CRNKL1: variants seen among roughly 807,000 people sequenced by gnomAD.
CRNKL1 encodes the protein crooked neck-like protein 1.
CRNKL1 carries 35 observed loss-of-function variants against 103.7 expected under a neutral mutation model. The observed-to-expected ratio is 0.34, with a 90% CI of 0.26 to 0.45. The LOEUF (loss-of-function observed/expected upper bound fraction) is 0.45, where lower values mean the gene tolerates loss of function less well. Ranked by LOEUF, CRNKL1 falls within the 20% of genes least tolerant of loss-of-function variation. CRNKL1 has a pLI of 1.00. For synonymous variants in CRNKL1, 267 were observed against 282.6 expected, an observed-to-expected ratio of 0.94 and a Z score of 0.55; for missense variants, 645 against 836.0, an observed-to-expected ratio of 0.77 and a Z score of 2.82.
At chr20:20,048,206 A>T in intron 4 of CRNKL1, 137 bp downstream of exon 4, 1 of 1,028,874 alleles carries the variant, frequency 9.7e-7, no homozygotes, top group Non-Finnish European at 1.4e-6. Flanking sequence ...TTAATAGACT[A>T]TGGGACATAA....
chr20:20,049,488 C>T (rs2043649708), intron 2 of CRNKL1, 57 bp from the exon 3 acceptor site: 1 of 877,620 alleles, frequency 1.1e-6, no homozygotes, highest in Non-Finnish European at 1.9e-6. Flanking sequence ...ATGACAGCAC[C>T]CTTGGTCTAT....
At chr20:20,048,124 A>C (rs2043624153) in intron 4 of CRNKL1, among the ~76,000 whole-genome samples, 193 bp from the exon 5 acceptor site, 1 of 152,266 alleles carries the variant, frequency 6.6e-6, no homozygotes, top group African/African-American at 2.4e-5. Flanking sequence ...TTCAACAAGA[A>C]GCTTATGAAT....
chr20:20,054,906 GTAAT>G (rs2044182971), upstream of CRNKL1, among the ~76,000 whole-genome samples: 2 of 152,298 alleles, frequency 1.3e-5, no homozygotes, highest in Admixed American at 1.3e-4. Context: ...CATGCTAAAA[GTAAT>G]TAGCCATTAT....
chr20:20,036,503 C>G (rs1458073561), intron 13 of CRNKL1, 141 bp from the exon 14 acceptor site: 1 of 778,104 alleles, frequency 1.3e-6, no homozygotes, highest in Admixed American at 2.6e-5. Context: ...AGAACAAGGG[C>G]TGGGTCTGAA....
In CRNKL1 at chr20:20,035,691, T is replaced by C. The variant is rs1390986800; in HGVS notation, c.*504A>G. ...AACAAACAATTTACTGAGCACTTAC[T>C]ATGCACCCACCAGGTATATTCCTTT... On this transcript the variant is annotated 3_prime_UTR_variant, in exon 14 of 14. Coordinates refer to ENST00000536226, the MANE Select transcript of CRNKL1 (RefSeq NM_001278628.2). The C allele has an allele frequency of 1.3e-5, 2 of 153,380 alleles. No individual in the cohort carries two copies. Among genetic ancestry groups the C allele is most frequent in the African/African-American group, 4.8e-5 (2 of 41,468 alleles). 9.5% of individuals were successfully genotyped at this position (153,380 alleles called of 1,614,324 possible).
intron 5 of CRNKL1, among the ~76,000 whole-genome samples, chr20:20,046,667 G>A (rs991656753): frequency 6.6e-6 from 1 of 152,168 alleles, no homozygotes; most frequent in Non-Finnish European, 1.5e-5. Context: ...AATGTTAAGT[G>A]ACTGGACTGA....
At chr20:20,051,594 G>A (rs533695220) in intron 1 of CRNKL1, among the ~76,000 whole-genome samples, 10 of 152,328 alleles carry the variant, frequency 6.6e-5, no homozygotes, top group African/African-American at 2.2e-4. Flanking sequence ...ACTCCTGCGA[G>A]TCAGACAAAT....
At chr20:20,052,053 C>A (rs1287430022) in intron 1 of CRNKL1, among the ~76,000 whole-genome samples, 1 of 152,154 alleles carries the variant, frequency 6.6e-6, no homozygotes, top group Non-Finnish European at 1.5e-5. Flanking sequence ...AGTAAATCTT[C>A]ACCGAACCAC....
At position 20,037,479 on chromosome 20, in the gene CRNKL1, G is replaced by C; in HGVS notation, c.1740C>G (p.Thr580=). 6.2e-7 allele frequency: 1 copy of C among 1,614,098 alleles called. No individual in the cohort carries two copies. The highest frequency in any genetic ancestry group is 1.6e-4 in the Middle Eastern group (1 of 6,062). The change falls in exon 13 of 14, where the codon ACC becomes ACG. Residue 580 remains threonine (T), a synonymous_variant. Coordinates refer to ENST00000536226, the MANE Select transcript of CRNKL1 (RefSeq NM_001278628.2). ...CTTCCTTTTCTTCACAGTTTCGCAT[G>C]GTTTTGTTAGCTTCTTCATAAATTT... ...CRQIYEEANK[T]MRNCEEKEER...
intron 4 of CRNKL1, 106 bp downstream of exon 4, chr20:20,048,237 A>G (rs2043626021): frequency 3.1e-6 from 4 of 1,285,376 alleles, no homozygotes; most frequent in African/African-American, 3.0e-5. Flanking sequence ...GTCTGAAGAA[A>G]AAGTAGGATA....
At position 20,041,548 on chromosome 20, in the gene CRNKL1, A is replaced by AGGT. The variant is rs2043514761; in HGVS notation, c.1224+17_1224+18insACC. ...GATTCTGACCTGTTTGAAATGGAAC[A>AGGT]CTTTAGAGCAAACATACCTTTTTGT... On this transcript the variant is annotated intron_variant, in intron 9 of 13. Transcript: ENST00000536226. 6.3e-7 allele frequency: 1 copy of AGGT among 1,595,474 alleles called. No individual in the cohort carries two copies. The highest frequency in any genetic ancestry group is 8.6e-7 in the Non-Finnish European group (1 of 1,163,132).
chr20:20,043,516 T>C lies in CRNKL1; in HGVS notation c.948A>G (p.Arg316=). 1 of 1,613,958 alleles carries C rather than the reference T, an allele frequency of 6.2e-7. No individual in the cohort carries two copies. Residue 316 remains arginine, a synonymous_variant, in exon 7 of 14, where the codon AGA becomes AGG. Coordinates refer to ENST00000536226, the MANE Select transcript of CRNKL1 (RefSeq NM_001278628.2). The part of the protein sequence containing the change: ...GIEDIIVSKR[R]FQYEEEVKAN... ...CCTTCACTTCTTCTTCGTACTGGAA[T>C]CTCCGTTTGCTCACAATGATATCTT... is the stretch of plus-strand genomic sequence containing the variant.
Position 20,034,789 on chromosome 20 carries a change from T to TCAAA in CRNKL1, c.*1402_*1405dup, listed in dbSNP as rs749149229. ...ACAACAGTCCTAGTTTCTTCTGTCC[T>TCAAA]CAAACACTGTTATTTATTTTCAAGA... On this transcript the variant is annotated 3_prime_UTR_variant, in exon 14 of 14. Transcript: ENST00000536226. 5.9e-5 allele frequency: 9 copies of TCAAA among 152,242 alleles called. No individual in the cohort carries two copies. The highest frequency in any genetic ancestry group is 7.2e-5 in the African/African-American group (3 of 41,474). The allele number at this position is 152,242 out of a possible 1,614,324, so 9.4% of individuals were successfully genotyped here. A position where few individuals can be genotyped will look rare whatever the true frequency, so the allele number is the denominator to read the frequency against.
At position 20,038,366 on chromosome 20, in the gene CRNKL1, G is replaced by T; in HGVS notation, c.1630C>A (p.Arg544=). The T allele has an allele frequency of 6.4e-7, 1 of 1,550,736 alleles. No individual in the cohort carries two copies. Among genetic ancestry groups the T allele is most frequent in the Non-Finnish European group, 8.7e-7 (1 of 1,145,922 alleles). Residue 544 remains arginine, a synonymous_variant, in exon 12 of 14, where the codon CGG becomes AGG. Transcript: ENST00000536226. ...AAGGATACCTTGACATGCTGCGTCCGTTGAAGCAACCGCCGGTAAAGGTTT... is the reference window on the plus strand; with the variant it reads ...AAGGATACCTTGACATGCTGCGTCCTTTGAAGCAACCGCCGGTAAAGGTTT... ...TRNLYRRLLQ[R]TQHVKVWISF...
At chr20:20,052,554 C>G, upstream of CRNKL1, 1 of 1,614,168 alleles carries the variant, frequency 6.2e-7, no homozygotes, top group Non-Finnish European at 8.5e-7. Flanking sequence ...CTCCTTGCGG[C>G]AGCGCGTGGA....
chr20:20,042,844 GT>G (rs1222311497), intron 7 of CRNKL1, among the ~76,000 whole-genome samples: 2 of 152,196 alleles, frequency 1.3e-5, no homozygotes, highest in African/African-American at 4.8e-5. Flanking sequence ...CATTATGTCT[GT>G]AACAACAGAA....
intron 11 of CRNKL1, among the ~76,000 whole-genome samples, chr20:20,039,222 C>T (rs2043471916): frequency 6.6e-6 from 1 of 152,218 alleles, no homozygotes; most frequent in Non-Finnish European, 1.5e-5. Context: ...GCAAGGACAT[C>T]CTGGTTTAGA....
rs974684592 is a variant in CRNKL1 at position 20,039,152 on chromosome 20, TG to T, written c.1545+456del. Among the ~76,000 whole-genome samples the T allele has an allele frequency of 5.9e-5, 9 of 152,322 alleles. No individual in the cohort carries two copies. In the South Asian group the frequency reaches 1.9e-3, roughly 32 times the overall value. On this transcript the variant is annotated intron_variant, in intron 11 of 13. Coordinates refer to ENST00000536226, the MANE Select transcript of CRNKL1 (RefSeq NM_001278628.2). ...CTAGCTGTGGTTTGGTGCTACCTTGTGGGTCAAGCTTAACTACTGAAGGCAG... is the reference window on the plus strand; with the variant it reads ...CTAGCTGTGGTTTGGTGCTACCTTGTGGTCAAGCTTAACTACTGAAGGCAG...
Position 20,050,507 on chromosome 20 carries a change from T to G in CRNKL1, c.167A>C (p.Glu56Ala). ...TAGTTTATAATCATTTAATTCTTCT[T>G]CATCTGTGATCTTCTGTTGAGGTGG... is the stretch of plus-strand genomic sequence containing the variant. Reference protein sequence around the residue: ...PPPPQQKITDEEELNDYKLRK... With the variant: ...PPPPQQKITDAEELNDYKLRK... The change falls in exon 2 of 14, where the codon GAA (glutamate) becomes GCA (alanine). Residue 56 changes from glutamate (E) to alanine (A), a missense_variant. Coordinates refer to ENST00000536226, the MANE Select transcript of CRNKL1 (RefSeq NM_001278628.2). The G allele has an allele frequency of 6.2e-7, 1 of 1,613,966 alleles. No homozygotes were observed. Among genetic ancestry groups the G allele is most frequent in the Non-Finnish European group, 8.5e-7 (1 of 1,179,922 alleles).
Sources: gnomAD v4.1 joint callset for allele counts (sites outside exome capture counted in the v4.1 genomes callset) on GRCh38, gnomAD v4.1.1 for gene constraint, MANE v1.5 for transcripts, NCBI Gene and HGNC (gene_info 2026-07-23, HGNC 2026-07-21) for gene names.